SLC41A2: variants seen among roughly 807,000 people sequenced by gnomAD.
SLC41A2 encodes SLC41A1-like 1.
Under a neutral mutation model 58.3 loss-of-function variants are expected in SLC41A2, and 32 were observed. That is an observed-to-expected ratio of 0.55 (90% CI 0.41 to 0.74). The LOEUF is 0.74. SLC41A2 is among the 30% of genes least tolerant of loss of function. The probability of loss-of-function intolerance (pLI) is 0.00; values close to 1 mark genes in which losing one functional copy is unlikely to be tolerated. For missense variants in SLC41A2, 514 were observed against 680.6 expected (o/e 0.76, Z 2.72); for synonymous variants, 190 against 235.0 (o/e 0.81, Z 1.75).
intron 3 of SLC41A2, among the ~76,000 whole-genome samples, chr12:104,905,467 C>T (rs916845808): frequency 3.9e-5 from 6 of 152,208 alleles, no homozygotes; most frequent in Non-Finnish European, 7.3e-5. Flanking sequence ...GATCCCGCAC[C>T]GGGGCTGCAG....
intron 10 of SLC41A2, among the ~76,000 whole-genome samples, chr12:104,814,445 T>G (rs1023724590): frequency 5.3e-5 from 8 of 152,134 alleles, no homozygotes; most frequent in Non-Finnish European, 1.0e-4. Flanking sequence ...ACATGTTAGG[T>G]TGTAGGGATC....
At chr12:104,869,284 G>A (rs796995001) in intron 6 of SLC41A2, among the ~76,000 whole-genome samples, 6 of 152,268 alleles carry the variant, frequency 3.9e-5, no homozygotes, top group African/African-American at 1.4e-4. Flanking sequence ...GAATTACATG[G>A]CATGTGAATT....
chr12:104,940,807 T>C (rs2047480850), intron 1 of SLC41A2, among the ~76,000 whole-genome samples: 1 of 151,792 alleles, frequency 6.6e-6, no homozygotes, highest in South Asian at 2.1e-4. Flanking sequence ...TAGTCCCACC[T>C]ACTCAGGAGG....
chr12:104,826,759 A>G (rs1385191726), intron 10 of SLC41A2, among the ~76,000 whole-genome samples: 1 of 152,202 alleles, frequency 6.6e-6, no homozygotes, highest in Non-Finnish European at 1.5e-5. Context: ...ATAGATATAT[A>G]GAGGCTTTCC....
At chr12:104,848,142 GCT>G (rs2042674724) in intron 8 of SLC41A2, among the ~76,000 whole-genome samples, 1 of 152,164 alleles carries the variant, frequency 6.6e-6, no homozygotes, top group African/African-American at 2.4e-5. Flanking sequence ...TGCAAAGTAT[GCT>G]CTCTTTCCAT....
At chr12:104,824,325 C>A (rs985525013) in intron 10 of SLC41A2, among the ~76,000 whole-genome samples, 1 of 151,746 alleles carries the variant, frequency 6.6e-6, no homozygotes, top group Admixed American at 6.6e-5. Context: ...AACATATGGG[C>A]GGCTGAACAT....
At chr12:104,850,762 T>C (rs1210271332) in intron 8 of SLC41A2, among the ~76,000 whole-genome samples, 2 of 152,214 alleles carry the variant, frequency 1.3e-5, no homozygotes, top group African/African-American at 4.8e-5. Flanking sequence ...AATACAAAAT[T>C]CATTAAAGCA....
intron 10 of SLC41A2, among the ~76,000 whole-genome samples, chr12:104,827,596 TGTATAACACAC>T (rs1324130254): frequency 3.3e-5 from 5 of 152,394 alleles, no homozygotes; most frequent in Admixed American, 2.0e-4. Flanking sequence ...ATTCTTTCCT[TGTATAACACAC>T]GTATAACCCA....
At chr12:104,882,326 T>C (rs2044418815) in intron 6 of SLC41A2, among the ~76,000 whole-genome samples, 2 of 152,316 alleles carry the variant, frequency 1.3e-5, no homozygotes, top group Admixed American at 1.3e-4. Flanking sequence ...CATTTAACAT[T>C]AATATTGTTA....
intron 10 of SLC41A2, among the ~76,000 whole-genome samples, chr12:104,827,358 T>C (rs1318111659): frequency 6.6e-6 from 1 of 152,090 alleles, no homozygotes; most frequent in South Asian, 2.1e-4. Context: ...GGGAGAGAAA[T>C]GCAGGAAAGA....
rs139139625 is a variant in SLC41A2 at position 104,910,183 on chromosome 12, C to T, written c.556-421G>A. ...CACTGGAAAATTAGTGCTATTACTACCTAATTTCACAAATGAAGGAATAAA... is the reference window on the plus strand; with the variant it reads ...CACTGGAAAATTAGTGCTATTACTATCTAATTTCACAAATGAAGGAATAAA... On this transcript the variant is annotated intron_variant, in intron 2 of 10. Transcript: ENST00000258538. Among the ~76,000 whole-genome samples the T allele has an allele frequency of 3.8e-3, 573 of 152,270 alleles. 2 individuals are homozygous for T. The highest frequency in any genetic ancestry group is 6.6e-3 in the Non-Finnish European group (452 of 68,010).
At chr12:104,922,334 T>C (rs1007312987) in intron 2 of SLC41A2, among the ~76,000 whole-genome samples, 7 of 151,964 alleles carry the variant, frequency 4.6e-5, no homozygotes, top group South Asian at 2.1e-4. Flanking sequence ...ATATATTCCA[T>C]GCAACTAGAA....
intron 7 of SLC41A2, among the ~76,000 whole-genome samples, chr12:104,862,888 T>C (rs2043262053): frequency 6.6e-6 from 1 of 152,192 alleles, no homozygotes. Context: ...TTATCTTTTG[T>C]GGTGAGAACA....
At position 104,886,398 on chromosome 12, in the gene SLC41A2, C is replaced by G; in HGVS notation, c.922G>C (p.Gly308Arg). 3 of 1,613,554 alleles carry G rather than the reference C, an allele frequency of 1.9e-6. No individual in the cohort carries two copies. Among genetic ancestry groups the G allele is most frequent in the Non-Finnish European group, 2.5e-6 (3 of 1,179,580 alleles). The change falls in exon 6 of 11, where the codon GGT (glycine) becomes CGT (arginine). Residue 308 changes from glycine (G) to arginine (R), a missense_variant. Gly to Arg is a moderately radical substitution (Grantham distance 125). Around this residue, in one of 3 missense-constraint regions of SLC41A2, gnomAD observed 336 missense variants for 430.0 expected, o/e 0.78. Coordinates refer to ENST00000258538, the MANE Select transcript of SLC41A2 (RefSeq NM_001352171.3). The part of the protein sequence containing the change: ...VGVIVGSKKT[G>R]INPDNVATPI... ...GTAGCAACATTATCAGGATTTATACCAGTCTTCTTTGAACCAACGATAACC... is the reference window on the plus strand; with the variant it reads ...GTAGCAACATTATCAGGATTTATACGAGTCTTCTTTGAACCAACGATAACC...
intron 10 of SLC41A2, among the ~76,000 whole-genome samples, chr12:104,835,592 C>T (rs891591726): frequency 6.6e-6 from 1 of 152,100 alleles, no homozygotes; most frequent in African/African-American, 2.4e-5. Flanking sequence ...AAAACCTCTC[C>T]CACTATTGAA....
Position 104,804,746 on chromosome 12 carries a change from G to C in SLC41A2, c.*406C>G, listed in dbSNP as rs2040831562. The C allele has an allele frequency of 6.4e-6, 1 of 155,072 alleles. No homozygotes were observed. The highest frequency in any genetic ancestry group is 2.4e-5 in the African/African-American group (1 of 41,444). 9.6% of individuals were successfully genotyped at this position (155,072 alleles called of 1,614,324 possible). ...GCACTCTTCGTTTTATAGTATGCCT[G>C]GGATACAGCACATCTGTGAGACAAG... On this transcript the variant is annotated 3_prime_UTR_variant, in exon 11 of 11. Transcript: ENST00000258538.
At chr12:104,893,558 A>G (rs1435016521) in intron 4 of SLC41A2, among the ~76,000 whole-genome samples, 2 of 152,246 alleles carry the variant, frequency 1.3e-5, no homozygotes, top group Non-Finnish European at 2.9e-5. Context: ...CTGCACTTCT[A>G]TGTTTGTTGC....
chr12:104,938,509 TC>T (rs1385390000), intron 1 of SLC41A2, among the ~76,000 whole-genome samples: 3 of 152,182 alleles, frequency 2.0e-5, no homozygotes, highest in Admixed American at 6.5e-5. Context: ...TCTTTGGCCA[TC>T]AGAATAAGAG....
intron 10 of SLC41A2, among the ~76,000 whole-genome samples, chr12:104,808,052 C>A (rs185831473): frequency 4.0e-3 from 606 of 152,244 alleles, no homozygotes; most frequent in Non-Finnish European, 6.5e-3. Flanking sequence ...ATTAAATACC[C>A]TTTATTTCCT....
Sources: allele counts gnomAD v4.1 joint callset (sites outside exome capture counted in the v4.1 genomes callset), GRCh38; gene constraint gnomAD v4.1.1; regional missense constraint gnomAD v4.1.1; transcripts MANE v1.5; gene names NCBI Gene and HGNC (gene_info 2026-07-23, HGNC 2026-07-21).